The following SLC26A8 variants were observed in gnomAD, a reference collection of about 807,000 sequenced individuals.
SLC26A8 encodes the protein testis anion transporter 1.
A neutral mutation model predicts 105.0 loss-of-function variants in SLC26A8; 70 were observed. The observed-to-expected ratio is 0.67, with a 90% CI of 0.55 to 0.81. The LOEUF is 0.81. Ranked by LOEUF, SLC26A8 falls within the 40% of genes least tolerant of loss-of-function variation. The pLI, the probability that SLC26A8 is intolerant of heterozygous loss-of-function variation, is 0.00. For missense variants in SLC26A8, 998 were observed against 1,181.8 expected (o/e 0.84, Z 2.28); for synonymous variants, 415 against 438.3 (o/e 0.95, Z 0.66).
Position 35,977,288 on chromosome 6 carries a change from G to A in SLC26A8, c.1089C>T (p.Ser363=). ...GCAGAAAGGAGCTCACCAAAGATAAGGAGAAGGCTTGTAAAATTATCTTGG... is the reference window on the plus strand; with the variant it reads ...GCAGAAAGGAGCTCACCAAAGATAAAGAGAAGGCTTGTAAAATTATCTTGG... The part of the protein sequence containing the change: ...LLPKIILQAF[S]LSLVSSFLLI... The change falls in exon 9 of 20, where the codon TCC becomes TCT. Residue 363 remains serine (S), a synonymous_variant. Transcript: ENST00000490799. 6.2e-7 allele frequency: 1 copy of A among 1,614,018 alleles called. No individual in the cohort carries two copies. Among genetic ancestry groups the A allele is most frequent in the Non-Finnish European group, 8.5e-7 (1 of 1,179,992 alleles).
chr6:36,005,499 TG>T (rs1427123781), intron 3 of SLC26A8, among the ~76,000 whole-genome samples: 4 of 152,236 alleles, frequency 2.6e-5, no homozygotes, highest in Admixed American at 1.3e-4. Flanking sequence ...TCAGTTATTT[TG>T]TCAAACACTC....
rs375466184 is a variant in SLC26A8 at position 36,009,383 on chromosome 6, C to CAACAACAACAACAACAACAAA, written c.328+2849_328+2850insTTTGTTGTTGTTGTTGTTGTT. 4.0e-3 allele frequency among the ~76,000 whole-genome samples: 599 copies of CAACAACAACAACAACAACAAA among 149,310 alleles called. 37 individuals carry two copies. Among genetic ancestry groups the CAACAACAACAACAACAACAAA allele is most frequent in the East Asian group, 0.021 (106 of 5,090 alleles). ...ACAACAACAACAACAACAACAACAA[C>CAACAACAACAACAACAACAAA]AAACCTGCACATGAATGTTCATATC... On this transcript the variant is annotated intron_variant, in intron 3 of 19. Coordinates refer to ENST00000490799, the MANE Select transcript of SLC26A8 (RefSeq NM_052961.4).
At chr6:36,021,331 C>CA (rs1762121762) in intron 1 of SLC26A8, among the ~76,000 whole-genome samples, 1 of 151,944 alleles carries the variant, frequency 6.6e-6, no homozygotes, top group Admixed American at 6.6e-5. Flanking sequence ...AATCCCCCCC[C>CA]ACCTTTCTTT....
In SLC26A8 at chr6:35,951,309, C is replaced by T; in HGVS notation, c.2326G>A (p.Asp776Asn). Residue 776 changes from aspartate to asparagine, a missense_variant, in exon 19 of 20, where the codon GAC (aspartate) becomes AAC (asparagine). Asp to Asn is a conservative substitution (Grantham distance 23). Transcript: ENST00000490799. ...AGCTGGGTCTTGGTGATGCCAGCGT[C>T]AAAGAAATCATTCCTCTCAAATGCC... Reference protein sequence around the residue: ...VRAFERNDFFDAGITKTQLFL... With the variant: ...VRAFERNDFFNAGITKTQLFL... The T allele has an allele frequency of 6.2e-7, 1 of 1,614,110 alleles. No homozygotes were observed. The highest frequency in any genetic ancestry group is 8.5e-7 in the Non-Finnish European group (1 of 1,180,014).
chr6:35,964,298 T>C (rs958268107), intron 11 of SLC26A8, among the ~76,000 whole-genome samples: 2 of 152,192 alleles, frequency 1.3e-5, no homozygotes, highest in African/African-American at 4.8e-5. Flanking sequence ...TGACAGTATA[T>C]CCAGAAATGC....
intron 1 of SLC26A8, among the ~76,000 whole-genome samples, chr6:36,020,086 T>G (rs1370966306): frequency 2.6e-5 from 4 of 152,246 alleles, no homozygotes; most frequent in African/African-American, 9.6e-5. Context: ...CCAGCATATA[T>G]GAAGAAGTCC....
intron 17 of SLC26A8, among the ~76,000 whole-genome samples, chr6:35,952,546 A>G (rs866455630): frequency 1.3e-5 from 2 of 152,212 alleles, no homozygotes; most frequent in Non-Finnish European, 1.5e-5. Flanking sequence ...TGTCAAAAGA[A>G]ACGAACTCTG....
intron 10 of SLC26A8, among the ~76,000 whole-genome samples, chr6:35,974,285 T>A (rs1772911949): frequency 6.6e-6 from 1 of 152,188 alleles, no homozygotes; most frequent in African/African-American, 2.4e-5. Flanking sequence ...GTCACTGCAC[T>A]CCAGCCTGGG....
chr6:35,944,728 A>G (rs1430886894), intron 19 of SLC26A8, among the ~76,000 whole-genome samples: 1 of 151,898 alleles, frequency 6.6e-6, no homozygotes, highest in Non-Finnish European at 1.5e-5. Flanking sequence ...AAACAAAAAA[A>G]CCCAGAATTT....
At position 35,968,760 on chromosome 6, in the gene SLC26A8, C is replaced by A. The variant is rs569793419; in HGVS notation, c.1365+117G>T. ...CATTGGGGATAATCCGAATGCAATT[C>A]TCCTCGGAGATGCCCGCCCCCCCGC... On this transcript the variant is annotated intron_variant, in intron 11 of 19. Transcript: ENST00000490799. 8.4e-4 allele frequency: 345 copies of A among 410,748 alleles called. 3 individuals carry two copies. Among genetic ancestry groups the A allele is most frequent in the African/African-American group, 6.9e-3 (330 of 47,604 alleles). The allele number at this position is 410,748 out of a possible 1,614,324, so 25.4% of individuals were successfully genotyped here. A position where few individuals can be genotyped will look rare whatever the true frequency, so the allele number is the denominator to read the frequency against.
chr6:35,976,549 G>GTTT (rs1773037656), intron 9 of SLC26A8, among the ~76,000 whole-genome samples: 1 of 139,828 alleles, frequency 7.2e-6, no homozygotes, highest in Admixed American at 7.0e-5. Flanking sequence ...AGAAGCCCTC[G>GTTT]CTTTTTTTTT....
chr6:35,958,756 G>A (rs1450210786), intron 16 of SLC26A8, among the ~76,000 whole-genome samples: 1 of 152,182 alleles, frequency 6.6e-6, no homozygotes, highest in Non-Finnish European at 1.5e-5. Flanking sequence ...AAATCTTTGT[G>A]TATAGAGAGA....
At chr6:35,963,023 G>A (rs994790453) in intron 11 of SLC26A8, among the ~76,000 whole-genome samples, 2 of 152,088 alleles carry the variant, frequency 1.3e-5, no homozygotes, top group African/African-American at 2.4e-5. Flanking sequence ...ACAAGGCAAG[G>A]TCAGGCCAAC....
intron 7 of SLC26A8, among the ~76,000 whole-genome samples, chr6:35,985,692 C>CA (rs58199602): frequency 0.025 from 1,169 of 46,738 alleles, 80 homozygotes; most frequent in African/African-American, 0.033. Flanking sequence ...GACTCCGTCT[C>CA]AAAAAAAAAA....
At chr6:35,978,668 T>C (rs754231786) in intron 8 of SLC26A8, among the ~76,000 whole-genome samples, 18 of 152,184 alleles carry the variant, frequency 1.2e-4, no homozygotes, top group Non-Finnish European at 2.5e-4. Context: ...TTTTGTGATA[T>C]ATATTTCCAC....
In SLC26A8 at chr6:35,944,089, AGGCTCAGTCTCAGGCTGG is replaced by A. The variant is rs1562010700; in HGVS notation, c.2706_2723del (p.Gln903_Pro908del). On this transcript the variant is annotated inframe_deletion, in exon 20 of 20. Coordinates refer to ENST00000490799, the MANE Select transcript of SLC26A8 (RefSeq NM_052961.4). The stretch of plus-strand genomic sequence containing the variant: ...TAGATTTGGGGTTGGGCTCCATCTC[AGGCTCAGTCTCAGGCTGG>A]GGCTCCATCTCGGTCTGGGTCTTGG... 1.2e-6 allele frequency: 2 copies of A among 1,613,932 alleles called. No homozygotes were observed. The highest frequency in any genetic ancestry group is 1.7e-5 in the Admixed American group (1 of 59,984).
intron 9 of SLC26A8, among the ~76,000 whole-genome samples, chr6:35,976,902 T>C (rs1773060258): frequency 6.6e-6 from 1 of 152,190 alleles, no homozygotes; most frequent in Non-Finnish European, 1.5e-5. Context: ...CAGTATGTGG[T>C]TGGAGGACTT....
chr6:35,955,124 C>G, intron 17 of SLC26A8, 28 bp downstream of exon 17: 1 of 1,613,582 alleles, frequency 6.2e-7, no homozygotes, highest in African/African-American at 1.3e-5. Flanking sequence ...GGGATCAGAG[C>G]TCCTGCCAAG....
rs1431657663 is a variant in SLC26A8, at chr6:36,006,423, C to A, written c.328+5810G>T. On this transcript the variant is annotated intron_variant, in intron 3 of 19. Coordinates refer to ENST00000490799, the MANE Select transcript of SLC26A8 (RefSeq NM_052961.4). ...GTGTGAGCTACCATAACCAGTTATGCAATCATTTTTATTCAACAAACATCT... is the reference window on the plus strand; with the variant it reads ...GTGTGAGCTACCATAACCAGTTATGAAATCATTTTTATTCAACAAACATCT... Among the ~76,000 whole-genome samples, 4 of 152,110 alleles carry A rather than the reference C, an allele frequency of 2.6e-5. No homozygotes were observed. The East Asian group carries it at 7.7e-4, about 29-fold the overall frequency.
Sources: allele counts gnomAD v4.1 joint callset (sites outside exome capture counted in the v4.1 genomes callset), GRCh38; gene constraint gnomAD v4.1.1; transcripts MANE v1.5; gene names NCBI Gene and HGNC (gene_info 2026-07-23, HGNC 2026-07-21).